Variants in FANCB observed in about 807,000 individuals in gnomAD.
The protein encoded by FANCB is FA complementation group B.
In FANCB, 5 loss-of-function variants were observed where a neutral mutation model predicts 38.9. That is an observed-to-expected ratio of 0.13 (90% CI 0.07 to 0.27). The LOEUF (loss-of-function observed/expected upper bound fraction) is 0.27, where lower values mean the gene tolerates loss of function less well. FANCB is among the 10% of genes least tolerant of loss of function. The pLI is 1.00. For synonymous variants in FANCB, 236 were observed against 215.4 expected, an observed-to-expected ratio of 1.10 and a Z score of -0.84; for missense variants, 573 against 602.7, an observed-to-expected ratio of 0.95 and a Z score of 0.52.
chrX:14,824,563 A>G, the FANCB span, among the ~76,000 whole-genome samples: 1 of 111,727 alleles, frequency 9.0e-6, no homozygotes, highest in Non-Finnish European at 1.9e-5. Flanking sequence ...GTGGACAAAT[A>G]TTTTCATTTA....
intron 5 of FANCB, among the ~76,000 whole-genome samples, chrX:14,856,468 G>A (rs2092423582): frequency 9.0e-6 from 1 of 110,974 alleles, no homozygotes; most frequent in East Asian, 2.8e-4. Context: ...ACTTTGTTCA[G>A]GGTACAAAAA....
chrX:14,806,220 G>A, the FANCB span, among the ~76,000 whole-genome samples: 1 of 111,735 alleles, frequency 8.9e-6, no homozygotes, highest in Non-Finnish European at 1.9e-5. Context: ...GAAAATGAAA[G>A]AGAGCCCAGT....
At chrX:14,808,872 G>T in the FANCB span, among the ~76,000 whole-genome samples, 1 of 112,215 alleles carries the variant, frequency 8.9e-6, no homozygotes, top group Non-Finnish European at 1.9e-5. Context: ...AAAGTAGCAG[G>T]ATACAAAATC....
At chrX:14,713,093 G>T in the FANCB span, among the ~76,000 whole-genome samples, 1,714 of 112,107 alleles carry the variant, frequency 0.015, 29 homozygotes, top group African/African-American at 0.051. Flanking sequence ...GATATATATA[G>T]AGAGAGAAGT....
the FANCB span, among the ~76,000 whole-genome samples, chrX:14,796,913 G>GT: frequency 9.1e-6 from 1 of 110,443 alleles, no homozygotes; most frequent in East Asian, 2.8e-4. Flanking sequence ...AAAGCTGGCA[G>GT]TTGGAGTTCT....
chrX:14,790,003 A>T, the FANCB span, among the ~76,000 whole-genome samples: 11 of 112,300 alleles, frequency 9.8e-5, no homozygotes, highest in Non-Finnish European at 1.9e-4. Context: ...GGAATAGGAG[A>T]CAGAAACAAT....
the FANCB span, chrX:14,730,635 A>G: frequency 2.2e-6 from 1 of 450,376 alleles, no homozygotes; most frequent in Admixed American, 4.1e-5. Context: ...ACCTACATGA[A>G]AAAAAAGACA....
the FANCB span, among the ~76,000 whole-genome samples, chrX:14,779,689 T>TGTA: frequency 0.018 from 2,047 of 110,894 alleles, 139 homozygotes; most frequent in African/African-American, 0.058. Context: ...GGTATTTTGT[T>TGTA]GCAGCACAGA....
At chrX:14,809,696 G>C in the FANCB span, among the ~76,000 whole-genome samples, 1 of 112,918 alleles carries the variant, frequency 8.9e-6, no homozygotes, top group African/African-American at 3.2e-5. Context: ...ACTGGGTGGA[G>C]CCCACCACAG....
At chrX:14,793,105 T>C in the FANCB span, among the ~76,000 whole-genome samples, 5 of 112,193 alleles carry the variant, frequency 4.5e-5, no homozygotes, top group Non-Finnish European at 7.5e-5. Flanking sequence ...AGCCAAGCAA[T>C]TGAATTTTTT....
the FANCB span, among the ~76,000 whole-genome samples, chrX:14,772,287 A>G: frequency 8.9e-6 from 1 of 112,160 alleles, no homozygotes; most frequent in Non-Finnish European, 1.9e-5. Flanking sequence ...AGTTCTGTCT[A>G]TAGAACCCTG....
At chrX:14,745,245 A>C in the FANCB span, among the ~76,000 whole-genome samples, 364 of 112,001 alleles carry the variant, frequency 3.2e-3, 1 homozygote, top group African/African-American at 0.011. Context: ...TCAGGCAGCA[A>C]CAAACTACAA....
the FANCB span, among the ~76,000 whole-genome samples, chrX:14,792,089 T>A: frequency 9.0e-6 from 1 of 111,711 alleles, no homozygotes; most frequent in Non-Finnish European, 1.9e-5. Context: ...TTAAAAGTTA[T>A]AATGAATTCA....
chrX:14,790,191 A>AT, the FANCB span, among the ~76,000 whole-genome samples: 1 of 112,169 alleles, frequency 8.9e-6, no homozygotes, highest in Non-Finnish European at 1.9e-5. Flanking sequence ...TATGAAAGAC[A>AT]TAACCCCATT....
the FANCB span, among the ~76,000 whole-genome samples, chrX:14,795,213 C>A: frequency 8.9e-6 from 1 of 112,165 alleles, no homozygotes; most frequent in Admixed American, 9.5e-5. Context: ...GGAGAAAAGG[C>A]TTTAATTTTC....
intron 3 of FANCB, among the ~76,000 whole-genome samples, chrX:14,862,490 T>A (rs1337537884): frequency 8.9e-6 from 1 of 111,760 alleles, no homozygotes; most frequent in Non-Finnish European, 1.9e-5. Flanking sequence ...TTGGGTAACA[T>A]GTTAGTGGCA....
In FANCB at chrX:14,872,680, A is replaced by G. The variant is rs1193062430; in HGVS notation, c.-192+306T>C. ...CCCACCCCCCCGGCTGAACACAACT[A>G]CCTTAATAAGCCGAAACACGCTTTT... On this transcript the variant is annotated intron_variant, in intron 1 of 9. Transcript: ENST00000650831. 1.5e-4 allele frequency among the ~76,000 whole-genome samples: 12 copies of G among 77,915 alleles called. No individual in the cohort carries two copies. The East Asian group carries it at 5.2e-3, about 33-fold the overall frequency. The allele number at this position is 77,915 out of a possible 115,157, so 67.7% of individuals were successfully genotyped here.
At chrX:14,773,529 G>C in the FANCB span, among the ~76,000 whole-genome samples, 34 of 111,859 alleles carry the variant, frequency 3.0e-4, no homozygotes, top group Middle Eastern at 4.6e-3. Context: ...AAAAAGGAGA[G>C]AGAAATACAG....
the FANCB span, among the ~76,000 whole-genome samples, chrX:14,815,339 A>G: frequency 9.2e-6 from 1 of 109,187 alleles, no homozygotes; most frequent in African/African-American, 3.4e-5. Flanking sequence ...AGTGGGGGGG[A>G]AGAATCCCAA....
Sources: allele counts gnomAD v4.1 joint callset (sites outside exome capture counted in the v4.1 genomes callset), GRCh38; gene constraint gnomAD v4.1.1; transcripts MANE v1.5; gene names NCBI Gene and HGNC (gene_info 2026-07-23, HGNC 2026-07-21).